Variants in PATJ observed in about 807,000 individuals in gnomAD.
PATJ encodes the protein inaD-like protein.
PATJ carries 190 observed loss-of-function variants against 224.9 expected under a neutral mutation model. That is an observed-to-expected ratio of 0.84 (90% CI 0.75 to 0.95). PATJ has a LOEUF of 0.95. Ranked by LOEUF, PATJ falls within the 40% of genes least tolerant of loss-of-function variation. The probability of loss-of-function intolerance (pLI) is 0.00; values close to 1 mark genes in which losing one functional copy is unlikely to be tolerated. For synonymous variants in PATJ, 769 were observed against 820.3 expected (o/e 0.94, Z 1.07); for missense variants, 2,121 against 2,270.3 (o/e 0.93, Z 1.34).
intron 28 of PATJ, among the ~76,000 whole-genome samples, chr1:62,011,368 A>G (rs1254720435): frequency 6.6e-6 from 1 of 152,218 alleles, no homozygotes; most frequent in East Asian, 1.9e-4. Flanking sequence ...TAGGGTATTA[A>G]TTGGCCTAAC....
intron 1 of PATJ, among the ~76,000 whole-genome samples, chr1:61,754,026 T>TA (rs1645480955): frequency 6.6e-6 from 1 of 152,226 alleles, no homozygotes; most frequent in African/African-American, 2.4e-5. Context: ...GTGAACCAGA[T>TA]ATGAAAAATT....
chr1:61,915,986 C>G (rs989612630), intron 26 of PATJ, among the ~76,000 whole-genome samples: 1 of 152,224 alleles, frequency 6.6e-6, no homozygotes, highest in South Asian at 2.1e-4. Flanking sequence ...TGAGCTGCTG[C>G]GCCTGGCCTA....
chr1:62,036,871 C>CAAAAAAAAAAAAAAAAAAAAAAAAA (rs55761910), intron 29 of PATJ, among the ~76,000 whole-genome samples: 1,376 of 67,264 alleles, frequency 0.02, 154 homozygotes, highest in Non-Finnish European at 0.03. Context: ...GACTCCATCT[C>CAAAAAAAAAAAAAAAAAAAAAAAAA]AAAAAAAAAA....
Position 61,914,653 on chromosome 1 carries a change from A to G in PATJ, c.3559A>G (p.Lys1187Glu). Residue 1187 changes from lysine (K) to glutamate (E), a missense_variant, in exon 26 of 44, where the codon AAG (lysine) becomes GAG (glutamate). Physicochemically the swap from Lys to Glu is moderately conservative, Grantham distance 56. Coordinates refer to ENST00000642238, the MANE Select transcript of PATJ (RefSeq NM_001350145.3). ...TGNQNQDTQEKKEKRQGTAPP... is the reference protein window; with the variant it reads ...TGNQNQDTQEEKEKRQGTAPP... ...TAACCAGAACCAGGACACCCAAGAA[A>G]AGAAAGAAAAGGTAACTTGAACCTC... The G allele has an allele frequency of 6.4e-7, 1 of 1,571,516 alleles. No individual in the cohort carries two copies. Among genetic ancestry groups the G allele is most frequent in the Non-Finnish European group, 8.8e-7 (1 of 1,142,756 alleles).
chr1:62,097,287 C>T (rs960018799), intron 33 of PATJ, among the ~76,000 whole-genome samples: 2 of 151,858 alleles, frequency 1.3e-5, no homozygotes, highest in Non-Finnish European at 2.9e-5. Flanking sequence ...TACATTGAAA[C>T]TGGCTATATG....
rs139294252 is a variant in PATJ at position 62,113,541 on chromosome 1, T to C, written c.4462-512T>C. ...GTCCCAGAAACTCAGGAGGCTGAGG[T>C]TGAAGGATCACTTGAGTCTGGGAAG... On this transcript the variant is annotated intron_variant, in intron 34 of 43. Transcript: ENST00000642238. 7.9e-5 allele frequency among the ~76,000 whole-genome samples: 12 copies of C among 152,108 alleles called. No homozygotes were observed. In the East Asian group the frequency reaches 2.3e-3, roughly 29 times the overall value.
At chr1:61,883,465 A>AT (rs1668367944) in intron 21 of PATJ, among the ~76,000 whole-genome samples, 1 of 152,146 alleles carries the variant, frequency 6.6e-6, no homozygotes, top group African/African-American at 2.4e-5. Context: ...ATGAACAAGT[A>AT]TAGGCCAGGT....
At chr1:61,857,069 TATA>T (rs1663803667) in intron 18 of PATJ, among the ~76,000 whole-genome samples, 1 of 152,158 alleles carries the variant, frequency 6.6e-6, no homozygotes, top group Non-Finnish European at 1.5e-5. Flanking sequence ...CAAGAACCCC[TATA>T]ATGTCAAACC....
At chr1:61,965,576 C>T (rs545647665) in intron 27 of PATJ, among the ~76,000 whole-genome samples, 6 of 152,092 alleles carry the variant, frequency 3.9e-5, no homozygotes, top group African/African-American at 1.2e-4. Context: ...TTTGATCCCA[C>T]GAGGGGAAGT....
Position 62,017,965 on chromosome 1 carries a change from G to T in PATJ, c.3959+18G>T. On this transcript the variant is annotated intron_variant, in intron 29 of 43. Coordinates refer to ENST00000642238, the MANE Select transcript of PATJ (RefSeq NM_001350145.3). ...TTCATCAGGTAAGATTGCTAGATCT[G>T]GTTTTGCAAAATCAAAGACCTCTTC... 1 of 1,468,576 alleles carries T rather than the reference G, an allele frequency of 6.8e-7. No individual in the cohort carries two copies. The allele number at this position is 1,468,576 out of a possible 1,614,324, so 91.0% of individuals were successfully genotyped here. A position where few individuals can be genotyped will look rare whatever the true frequency, so the allele number is the denominator to read the frequency against.
At chr1:61,759,757 G>A (rs1272538265) in intron 1 of PATJ, among the ~76,000 whole-genome samples, 1 of 152,204 alleles carries the variant, frequency 6.6e-6, no homozygotes, top group African/African-American at 2.4e-5. Flanking sequence ...TATTAAAAAT[G>A]TGGTAAATAC....
At chr1:61,894,127 G>A (rs1438703629) in intron 22 of PATJ, among the ~76,000 whole-genome samples, 1 of 151,974 alleles carries the variant, frequency 6.6e-6, no homozygotes, top group Non-Finnish European at 1.5e-5. Flanking sequence ...GGTGGTGCAT[G>A]CCTGTAATCC....
intron 30 of PATJ, among the ~76,000 whole-genome samples, chr1:62,047,159 C>G (rs929002995): frequency 7.2e-5 from 11 of 152,216 alleles, no homozygotes; most frequent in Non-Finnish European, 1.5e-4. Flanking sequence ...ATGTGAGAAT[C>G]TCTCTCTTCT....
chr1:61,963,493 G>A (rs138517657), intron 27 of PATJ, among the ~76,000 whole-genome samples: 1,702 of 152,190 alleles, frequency 0.011, 19 homozygotes, highest in Admixed American at 0.02. Context: ...TTACTCAGGA[G>A]GCTAAGGCAG....
intron 31 of PATJ, among the ~76,000 whole-genome samples, chr1:62,078,439 C>T (rs561128159): frequency 1.8e-4 from 28 of 152,134 alleles, no homozygotes; most frequent in African/African-American, 6.3e-4. Flanking sequence ...TGCATCACCA[C>T]GCCTGGCTAA....
At chr1:61,927,353 T>C (rs1675359918) in intron 26 of PATJ, among the ~76,000 whole-genome samples, 1 of 152,244 alleles carries the variant, frequency 6.6e-6, no homozygotes, top group Non-Finnish European at 1.5e-5. Flanking sequence ...TTTTTACTTT[T>C]ACATTTATTT....
intron 33 of PATJ, among the ~76,000 whole-genome samples, chr1:62,088,528 CTCAG>C (rs1159172911): frequency 6.6e-6 from 1 of 152,132 alleles, no homozygotes; most frequent in African/African-American, 2.4e-5. Context: ...TCTTTTAGCT[CTCAG>C]TCATATTCCC....
At chr1:61,907,032 G>A (rs1671954750) in intron 24 of PATJ, among the ~76,000 whole-genome samples, 2 of 152,140 alleles carry the variant, frequency 1.3e-5, no homozygotes, top group South Asian at 4.1e-4. Flanking sequence ...TAGTGAGTGA[G>A]TTCTCACAAG....
intron 17 of PATJ, among the ~76,000 whole-genome samples, chr1:61,838,751 G>T (rs1459416386): frequency 6.6e-6 from 1 of 152,028 alleles, no homozygotes; most frequent in Non-Finnish European, 1.5e-5. Context: ...TTGCCAGTTT[G>T]TAGGTGAGGT....
Sources: gnomAD v4.1 joint callset for allele counts (sites outside exome capture counted in the v4.1 genomes callset) on GRCh38, gnomAD v4.1.1 for gene constraint, MANE v1.5 for transcripts, NCBI Gene and HGNC (gene_info 2026-07-23, HGNC 2026-07-21) for gene names.